Variants in PI4K2A observed in about 807,000 individuals in gnomAD.
PI4K2A encodes phosphatidylinositol 4-kinase type 2-alpha.
Under a neutral mutation model 55.0 loss-of-function variants are expected in PI4K2A, and 20 were observed. That is an observed-to-expected ratio of 0.36 (90% confidence interval 0.26 to 0.53). PI4K2A has a LOEUF of 0.53. Among genes scored for constraint, PI4K2A ranks in the 20% least tolerant of loss-of-function variants. The pLI, the probability that PI4K2A is intolerant of heterozygous loss-of-function variation, is 0.91. For synonymous variants in PI4K2A, 235 were observed against 258.5 expected (o/e 0.91, Z 0.87); for missense variants, 463 against 637.1 (o/e 0.73, Z 2.94).
intron 2 of PI4K2A, among the ~76,000 whole-genome samples, chr10:97,655,242 C>G (rs368615987): frequency 3.3e-5 from 5 of 151,644 alleles, no homozygotes; most frequent in Non-Finnish European, 7.4e-5. Flanking sequence ...TGGTGGCACA[C>G]ACCTGTAATC....
intron 1 of PI4K2A, among the ~76,000 whole-genome samples, 198 bp from the exon 2 acceptor site, chr10:97,650,743 C>G (rs1451957702): frequency 1.3e-5 from 2 of 152,208 alleles, no homozygotes; most frequent in African/African-American, 2.4e-5. Context: ...GGCCACAACC[C>G]TTTCTAGCAG....
chr10:97,644,024 T>C (rs1189759888), intron 1 of PI4K2A, among the ~76,000 whole-genome samples: 1 of 152,168 alleles, frequency 6.6e-6, no homozygotes, highest in Non-Finnish European at 1.5e-5. Flanking sequence ...TTCTCACCAC[T>C]ATCCTTTGCT....
rs1002960461 is a variant in PI4K2A, at chr10:97,666,640, T to C, written c.1218+69T>C. On this transcript the variant is annotated intron_variant, in intron 7 of 8. Transcript: ENST00000370631. Reference sequence around the variant, plus strand: ...AATTTTTAATGGTTTTTTTAATTGGTCCTGACAAAAGCCAAGAGGAAATGG... The same window carrying C: ...AATTTTTAATGGTTTTTTTAATTGGCCCTGACAAAAGCCAAGAGGAAATGG... The C allele has an allele frequency of 1.2e-4, 172 of 1,400,188 alleles. 1 individual carries two copies. Among genetic ancestry groups the C allele is most frequent in the Non-Finnish European group, 1.6e-4 (162 of 1,022,472 alleles). 86.7% of individuals were successfully genotyped at this position (1,400,188 alleles called of 1,614,324 possible).
Position 97,656,690 on chromosome 10 carries a change from T to C in PI4K2A, c.769-131T>C. 1 of 820,262 alleles carries C rather than the reference T, an allele frequency of 1.2e-6. No individual in the cohort carries two copies. Among genetic ancestry groups the C allele is most frequent in the Non-Finnish European group, 2.0e-6 (1 of 497,308 alleles). 50.8% of individuals were successfully genotyped at this position (820,262 alleles called of 1,614,324 possible). On this transcript the variant is annotated intron_variant, in intron 3 of 8. Transcript: ENST00000370631. This position sits in a 1 kb window ranked among gnomAD's most constrained non-coding sequence, Gnocchi z 4.5. ...CCTGTACTTGCAAGAAATGAGGAAG[T>C]AAAGATCTTGAAAAGTTTTCCTTCT...
At chr10:97,647,709 T>C (rs913976304) in intron 1 of PI4K2A, among the ~76,000 whole-genome samples, 5 of 152,012 alleles carry the variant, frequency 3.3e-5, no homozygotes, top group Middle Eastern at 3.4e-3. Flanking sequence ...TCCTCCATTC[T>C]TCATACTCTA....
chr10:97,669,400 A>G (rs1416354728), intron 8 of PI4K2A, among the ~76,000 whole-genome samples: 9 of 152,214 alleles, frequency 5.9e-5, no homozygotes, highest in Non-Finnish European at 1.2e-4. Flanking sequence ...ATCTAATTCC[A>G]TCCCAGCTCA....
intron 4 of PI4K2A, among the ~76,000 whole-genome samples, chr10:97,661,499 A>G (rs1261519337): frequency 6.6e-6 from 1 of 151,396 alleles, no homozygotes; most frequent in East Asian, 1.9e-4. Context: ...AGGTCCACAT[A>G]TTACATTTGG....
At chr10:97,653,715 G>A (rs962592122) in intron 2 of PI4K2A, among the ~76,000 whole-genome samples, 4 of 152,170 alleles carry the variant, frequency 2.6e-5, no homozygotes, top group Non-Finnish European at 5.9e-5. Context: ...TCAGGAGTTC[G>A]AGACCAGCCT....
chr10:97,659,213 T>C (rs1380200168), intron 4 of PI4K2A, among the ~76,000 whole-genome samples: 1 of 152,120 alleles, frequency 6.6e-6, no homozygotes, highest in Admixed American at 6.6e-5. Flanking sequence ...TTTAAATTCT[T>C]TGTAGAGATG....
intron 5 of PI4K2A, among the ~76,000 whole-genome samples, chr10:97,664,683 A>T (rs2041601523): frequency 1.3e-5 from 2 of 152,222 alleles, no homozygotes; most frequent in Non-Finnish European, 2.9e-5. Flanking sequence ...AGGACTCTTG[A>T]ACTTTGAACA....
chr10:97,667,810 T>G (rs1443842076), intron 8 of PI4K2A, among the ~76,000 whole-genome samples: 4 of 152,270 alleles, frequency 2.6e-5, no homozygotes, highest in Non-Finnish European at 5.9e-5. Flanking sequence ...CAAAAGCCTC[T>G]GTTTTCTTGT....
At chr10:97,675,443 C>T (rs1448862600) in exon 9 of PI4K2A, 6 of 152,618 alleles carry the variant, frequency 3.9e-5, no homozygotes, top group Non-Finnish European at 5.9e-5. Context: ...ATCCCAGCCC[C>T]GACAATCACA....
chr10:97,671,401 A>G (rs2041634502), intron 8 of PI4K2A, among the ~76,000 whole-genome samples: 1 of 152,098 alleles, frequency 6.6e-6, no homozygotes, highest in South Asian at 2.1e-4. Context: ...GCAGTGAGCT[A>G]TGAATGTGTC....
chr10:97,663,620 G>C (rs1180916957), intron 5 of PI4K2A, among the ~76,000 whole-genome samples: 1 of 151,116 alleles, frequency 6.6e-6, no homozygotes, highest in Non-Finnish European at 1.5e-5. Flanking sequence ...GAGGTCAGGA[G>C]TTCCAGCCTG....
chr10:97,644,078 C>T (rs1401495840), intron 1 of PI4K2A, among the ~76,000 whole-genome samples: 2 of 152,112 alleles, frequency 1.3e-5, no homozygotes, highest in South Asian at 2.1e-4. Flanking sequence ...TGGACAGGTG[C>T]GGTGGCTCAC....
intron 2 of PI4K2A, among the ~76,000 whole-genome samples, chr10:97,652,288 A>C (rs2041533041): frequency 6.6e-6 from 1 of 151,704 alleles, no homozygotes; most frequent in Non-Finnish European, 1.5e-5. Context: ...CCTCTGCTTA[A>C]AGTTTTCTTT....
exon 1 of PI4K2A, chr10:97,640,697 G>C (rs575942963): frequency 2.2e-6 from 3 of 1,341,332 alleles, no homozygotes; most frequent in Admixed American, 5.9e-5. Flanking sequence ...GGCCGCGAGC[G>C]CAGTGGTGTG....
chr10:97,673,751 G>A, exon 9 of PI4K2A: 1 of 1,613,192 alleles, frequency 6.2e-7, no homozygotes, highest in Non-Finnish European at 8.5e-7. Context: ...AGCTCCAGAG[G>A]CAGGCAGAGG....
At chr10:97,670,100 A>T (rs973920759) in intron 8 of PI4K2A, among the ~76,000 whole-genome samples, 1 of 151,852 alleles carries the variant, frequency 6.6e-6, no homozygotes, top group Non-Finnish European at 1.5e-5. Flanking sequence ...GGGTCTCGCT[A>T]TGTTGCCCAG....
Sources: gnomAD v4.1 joint callset for allele counts (sites outside exome capture counted in the v4.1 genomes callset) on GRCh38, gnomAD v4.1.1 for gene constraint, Gnocchi (gnomAD v3.1) non-coding constraint, MANE v1.5 for transcripts, NCBI Gene and HGNC (gene_info 2026-07-23, HGNC 2026-07-21) for gene names.